The following KDR variants were observed in gnomAD, a reference collection of about 807,000 sequenced individuals.
KDR encodes vascular endothelial growth factor receptor 2.
Under a neutral mutation model 160.9 loss-of-function variants are expected in KDR, and 43 were observed. That is an observed-to-expected ratio of 0.27 (90% CI 0.21 to 0.34). KDR has a LOEUF of 0.34. Among genes scored for constraint, KDR ranks in the 10% least tolerant of loss-of-function variants. The probability of loss-of-function intolerance (pLI) is 1.00; values close to 1 mark genes in which losing one functional copy is unlikely to be tolerated. For synonymous variants in KDR, 617 were observed against 600.1 expected, an observed-to-expected ratio of 1.03 and a Z score of -0.41; for missense variants, 1,469 against 1,666.4, an observed-to-expected ratio of 0.88 and a Z score of 2.06.
intron 9 of KDR, 35 bp downstream of exon 9, chr4:55,110,368 A>T (rs766661502): frequency 6.2e-7 from 1 of 1,605,738 alleles, no homozygotes; most frequent in South Asian, 1.1e-5. Flanking sequence ...TATCATAATA[A>T]ATCTTGGGCA....
chr4:55,114,143 C>A lies in KDR; in HGVS notation c.781G>T (p.Glu261Ter). ...AGCGTTACCTTCGAAGAAGGGTATT[C>A]CCAGTTGAAGTCAATCCCCACATTT... ...ELNVGIDFNW[E>*]YPSSKHQHKK... is the part of the protein sequence containing the mutation. Residue 261 changes from glutamate (E) to a stop codon, truncating the protein, a stop_gained, in exon 6 of 30, where the codon GAA becomes TAA. Coordinates refer to ENST00000263923, the MANE Select transcript of KDR (RefSeq NM_002253.4). LOFTEE classifies it high-confidence loss of function. 6.2e-7 allele frequency: 1 copy of A among 1,613,902 alleles called. No individual in the cohort carries two copies. Among genetic ancestry groups the A allele is most frequent in the Non-Finnish European group, 8.5e-7 (1 of 1,179,874 alleles).
intron 7 of KDR, among the ~76,000 whole-genome samples, chr4:55,112,523 ATTTTTTTT>A: frequency 8.5e-6 from 1 of 117,172 alleles, no homozygotes; most frequent in South Asian, 2.8e-4. Flanking sequence ...TTATACCTTG[ATTTTTTTT>A]TTTTTTTTTT....
Position 55,115,473 on chromosome 4 carries a change from T to C in KDR, c.359-62A>G, listed in dbSNP as rs552471969. 2.8e-5 allele frequency: 25 copies of C among 901,986 alleles called. 3 individuals are homozygous for C. Among genetic ancestry groups the C allele is most frequent in the Admixed American group, 2.1e-4 (12 of 56,188 alleles). 55.9% of individuals were successfully genotyped at this position (901,986 alleles called of 1,614,324 possible). Reference sequence around the variant, plus strand: ...TATTTACTAGAAAAGTTGGTCATTTTTCAGGTTCCTAAACTCTAACCAGAC... The same window carrying C: ...TATTTACTAGAAAAGTTGGTCATTTCTCAGGTTCCTAAACTCTAACCAGAC... On this transcript the variant is annotated intron_variant, in intron 3 of 29. Coordinates refer to ENST00000263923, the MANE Select transcript of KDR (RefSeq NM_002253.4).
Position 55,110,524 on chromosome 4 carries a change from T to C in KDR, c.1134A>G (p.Lys378=), listed in dbSNP as rs2110027530. The change falls in exon 9 of 30, where the codon AAA becomes AAG. Residue 378 remains lysine (K), a synonymous_variant. Transcript: ENST00000263923. ...GIPLESNHTI[K]AGHVLTIMEV... Reference sequence around the variant, plus strand: ...CCATAATCGTCAGTACATGCCCCGCTTTAATTGTGTGATTGGACTCAAGGG... The same window carrying C: ...CCATAATCGTCAGTACATGCCCCGCCTTAATTGTGTGATTGGACTCAAGGG... The C allele has an allele frequency of 6.2e-7, 1 of 1,614,062 alleles. No individual in the cohort carries two copies. The highest frequency in any genetic ancestry group is 8.5e-7 in the Non-Finnish European group (1 of 1,179,962).
At position 55,115,018 on chromosome 4, in the gene KDR, G is replaced by A. The variant is rs370917098; in HGVS notation, c.514C>T (p.Pro172Ser). 1.5e-5 allele frequency: 24 copies of A among 1,613,312 alleles called. No homozygotes were observed. The highest frequency in any genetic ancestry group is 1.9e-5 in the Non-Finnish European group (23 of 1,179,584). Residue 172 changes from proline (P) to serine (S), a missense_variant, in exon 5 of 30, where the codon CCT becomes TCT. Pro to Ser is a moderately conservative substitution (Grantham distance 74, BLOSUM62 -1). This residue lies in a region of KDR where 792 missense variants were observed against 840.9 expected (regional missense o/e 0.94). Coordinates refer to ENST00000263923, the MANE Select transcript of KDR (RefSeq NM_002253.4). ...TCCCAGGAAATTCTGTTACCATCAGGAACAAATCTCTTTTCTGGGTATCTC... is the reference window on the plus strand; with the variant it reads ...TCCCAGGAAATTCTGTTACCATCAGAAACAAATCTCTTTTCTGGGTATCTC... ...CARYPEKRFV[P>S]DGNRISWDSK... is the part of the protein sequence containing the mutation.
intron 19 of KDR, 44 bp from the exon 20 acceptor site, chr4:55,095,709 A>T: frequency 7.3e-7 from 1 of 1,372,726 alleles, no homozygotes; most frequent in Non-Finnish European, 1.0e-6. Context: ...TTTCACTCAT[A>T]TTCCTCACTA....
At chr4:55,105,451 C>T (rs1720425452) in intron 12 of KDR, among the ~76,000 whole-genome samples, 1 of 152,160 alleles carries the variant, frequency 6.6e-6, no homozygotes, top group Non-Finnish European at 1.5e-5. Flanking sequence ...GGGCACTGCT[C>T]CTATGTCCTT....
chr4:55,089,339 G>T, intron 25 of KDR, 35 bp downstream of exon 25: 2 of 1,488,638 alleles, frequency 1.3e-6, no homozygotes, highest in Non-Finnish European at 1.9e-6. Context: ...TGCGAGCAAA[G>T]AAAGAGAACA....
chr4:55,106,931 A>T (rs906910524), intron 10 of KDR, 121 bp from the exon 11 acceptor site: 10 of 861,814 alleles, frequency 1.2e-5, no homozygotes, highest in Non-Finnish European at 1.9e-5. Context: ...AACGCAGCCT[A>T]CCATGGTACA....
At chr4:55,113,876 T>A (rs1313216555) in intron 6 of KDR, among the ~76,000 whole-genome samples, 1 of 152,216 alleles carries the variant, frequency 6.6e-6, no homozygotes, top group East Asian at 1.9e-4. Context: ...TAGAGAAAAC[T>A]AATATTCATA....
In KDR at chr4:55,118,656, C is replaced by G; in HGVS notation, c.306G>C (p.Lys102Asn). The G allele has an allele frequency of 6.2e-7, 1 of 1,614,152 alleles. No individual in the cohort carries two copies. Among genetic ancestry groups the G allele is most frequent in the African/African-American group, 1.3e-5 (1 of 75,034 alleles). ...KVIGNDTGAYKCFYRETDLAS... is the reference protein window; with the variant it reads ...KVIGNDTGAYNCFYRETDLAS... The stretch of plus-strand genomic sequence containing the variant: ...CCAAGTCAGTTTCCCGGTAGAAGCA[C>G]TTGTAGGCTCCAGTGTCATTTCCGA... The change falls in exon 3 of 30, where the codon AAG becomes AAC. Residue 102 changes from lysine (K) to asparagine (N), a missense_variant. Lys to Asn is a moderately conservative substitution (Grantham distance 94). Transcript: ENST00000263923.
At chr4:55,101,747 C>G (rs1276817067) in intron 15 of KDR, 150 bp downstream of exon 15, 2 of 678,126 alleles carry the variant, frequency 2.9e-6, no homozygotes, top group Admixed American at 2.2e-5. Context: ...GAATGTGTGG[C>G]GTTTGGTTTT....
At position 55,080,202 on chromosome 4, in the gene KDR, A is replaced by G. The variant is rs763790163; in HGVS notation, c.3849-39T>C. On this transcript the variant is annotated intron_variant, in intron 29 of 29. Transcript: ENST00000263923. ...GGCAAACAAAGGAGTTGGCAGAGAG[A>G]AGACAATTCTTTTGCTTTTTACCCT... is the stretch of plus-strand genomic sequence containing the variant. 36 of 1,589,294 alleles carry G rather than the reference A, an allele frequency of 2.3e-5. No homozygotes were observed. The East Asian group carries it at 7.1e-4, about 32-fold the overall frequency.
intron 17 of KDR, 22 bp from the exon 18 acceptor site, chr4:55,097,788 A>G: frequency 1.3e-6 from 2 of 1,524,104 alleles, no homozygotes; most frequent in Middle Eastern, 1.7e-4. Context: ...AACAACAGCA[A>G]CAAGAAAACA....
chr4:55,117,122 T>C (rs1026820741), intron 3 of KDR, among the ~76,000 whole-genome samples: 1 of 152,172 alleles, frequency 6.6e-6, no homozygotes, highest in Non-Finnish European at 1.5e-5. Context: ...CCCTTTGACG[T>C]AAGACTAAAC....
intron 15 of KDR, among the ~76,000 whole-genome samples, chr4:55,099,434 A>C (rs542848806): frequency 6.6e-6 from 1 of 152,356 alleles, no homozygotes; most frequent in East Asian, 1.9e-4. Flanking sequence ...AAAGCCAAAC[A>C]TAGAAAGTGT....
intron 13 of KDR, 70 bp from the exon 14 acceptor site, chr4:55,102,578 C>G (rs13135562): frequency 0.016 from 24,272 of 1,545,956 alleles, 225 homozygotes; most frequent in Non-Finnish European, 0.019. Flanking sequence ...TATCAGCAAA[C>G]TTTTAAACAG....
At chr4:55,117,161 A>G (rs1241325255) in intron 3 of KDR, among the ~76,000 whole-genome samples, 1 of 152,216 alleles carries the variant, frequency 6.6e-6, no homozygotes, top group Non-Finnish European at 1.5e-5. Flanking sequence ...CTATTTCGGT[A>G]TCTCAAAAAA....
At chr4:55,089,310 C>T in intron 25 of KDR, 64 bp downstream of exon 25, 1 of 1,205,372 alleles carries the variant, frequency 8.3e-7, no homozygotes, top group Non-Finnish European at 1.2e-6. Flanking sequence ...AATGGAAAGT[C>T]TTCCAGGCAA....
Sources: gnomAD v4.1 joint callset for allele counts (sites outside exome capture counted in the v4.1 genomes callset) on GRCh38, gnomAD v4.1.1 for gene constraint, gnomAD v4.1.1 regional missense constraint, MANE v1.5 for transcripts, NCBI Gene and HGNC (gene_info 2026-07-23, HGNC 2026-07-21) for gene names.